Variants in PCDHA8 observed in about 807,000 individuals in gnomAD.
PCDHA8 encodes protocadherin alpha-8.
In PCDHA8, 53 loss-of-function variants were observed where a neutral mutation model predicts 61.8. That is an observed-to-expected ratio of 0.86 (90% confidence interval 0.69 to 1.08). The LOEUF (loss-of-function observed/expected upper bound fraction) is 1.08, where lower values mean the gene tolerates loss of function less well. Among genes scored for constraint, PCDHA8 ranks in the 50% least tolerant of loss-of-function variants. The probability of loss-of-function intolerance (pLI) is 0.00; values close to 1 mark genes in which losing one functional copy is unlikely to be tolerated. For missense variants in PCDHA8, 1,293 were observed against 1,245.0 expected (o/e 1.04, Z -0.58); for synonymous variants, 618 against 556.6 (o/e 1.11, Z -1.55).
intron 1 of PCDHA8, among the ~76,000 whole-genome samples, chr5:140,931,212 T>A (rs556351535): frequency 3.5e-4 from 54 of 152,168 alleles, no homozygotes; most frequent in Non-Finnish European, 3.5e-4. Context: ...GTATTTCAGG[T>A]ATCAGAGCAC....
chr5:140,881,369 T>C (rs2058687376), intron 1 of PCDHA8: 2 of 985,186 alleles, frequency 2.0e-6, no homozygotes, highest in Non-Finnish European at 2.4e-6. Flanking sequence ...TTCGTATGAA[T>C]TGCAGCCGGC....
Position 140,871,315 on chromosome 5 carries a change from CT to C in PCDHA8, c.2394+27601del, listed in dbSNP as rs1352668242. On this transcript the variant is annotated intron_variant, in intron 1 of 3. Transcript: ENST00000531613. ...CGCGTGCGCGCCGGGGAAGCCCACGCTGGTGTGCTCCCGCGCGGTGGGGAGC... is the reference window on the plus strand; with the variant it reads ...CGCGTGCGCGCCGGGGAAGCCCACGCGGTGTGCTCCCGCGCGGTGGGGAGC... The C allele has an allele frequency of 8.1e-6, 13 of 1,613,928 alleles. No homozygotes were observed. In the Admixed American group the frequency reaches 2.0e-4, roughly 25 times the overall value.
intron 3 of PCDHA8, among the ~76,000 whole-genome samples, chr5:140,998,707 A>G (rs1230153468): frequency 6.6e-6 from 1 of 151,942 alleles, no homozygotes; most frequent in African/African-American, 2.4e-5. Flanking sequence ...TGGGATTACA[A>G]GCTTGCACCA....
Position 140,853,023 on chromosome 5 carries a change from C to T in PCDHA8, c.2394+9308C>T, listed in dbSNP as rs1239749008. On this transcript the variant is annotated intron_variant, in intron 1 of 3. Transcript: ENST00000531613. ...CCTCCCGAGTAGCTGGGACTACAGG[C>T]GCCTGCCACCATGCCCGCCTAATTT... 6 of 257,856 alleles carry T rather than the reference C, an allele frequency of 2.3e-5. 1 individual carries two copies. The highest frequency in any genetic ancestry group is 1.2e-4 in the African/African-American group (5 of 42,466). 16.0% of individuals were successfully genotyped at this position (257,856 alleles called of 1,614,324 possible). A position where few individuals can be genotyped will look rare whatever the true frequency, so the allele number is the denominator to read the frequency against.
intron 1 of PCDHA8, chr5:140,850,256 C>G (rs781879208): frequency 1.9e-6 from 3 of 1,594,146 alleles, no homozygotes; most frequent in Non-Finnish European, 1.7e-6. Context: ...CGGTGGGCGC[C>G]GGCGTAGTGG....
intron 1 of PCDHA8, among the ~76,000 whole-genome samples, chr5:140,888,361 C>G (rs1445087911): frequency 2.0e-5 from 3 of 152,156 alleles, no homozygotes; most frequent in Non-Finnish European, 4.4e-5. Flanking sequence ...CTACTGGCAT[C>G]TAATAATGGA....
chr5:140,864,013 A>G (rs574478230), intron 1 of PCDHA8: 3 of 153,164 alleles, frequency 2.0e-5, no homozygotes, highest in African/African-American at 4.8e-5. Flanking sequence ...AAAAAAAAGT[A>G]CATTGGAAGT....
At chr5:140,890,753 C>G (rs1274674281) in intron 1 of PCDHA8, among the ~76,000 whole-genome samples, 1 of 152,114 alleles carries the variant, frequency 6.6e-6, no homozygotes, top group African/African-American at 2.4e-5. Context: ...TTCTGTCATG[C>G]TTTAAAAATA....
chr5:140,979,048 C>T, intron 2 of PCDHA8, 41 bp downstream of exon 2: 2 of 1,611,774 alleles, frequency 1.2e-6, no homozygotes, highest in East Asian at 2.2e-5. Context: ...GTAACCTTAA[C>T]TTGGTATGGC....
chr5:140,927,317 G>T (rs782172424), intron 1 of PCDHA8: 3 of 1,614,146 alleles, frequency 1.9e-6, no homozygotes, highest in Admixed American at 1.7e-5. Flanking sequence ...CCCGGAGCCC[G>T]CTTTACTCTC....
intron 3 of PCDHA8, among the ~76,000 whole-genome samples, chr5:140,984,397 G>A (rs1400095442): frequency 1.3e-5 from 2 of 152,112 alleles, no homozygotes; most frequent in African/African-American, 4.8e-5. Context: ...AAAATGTTGA[G>A]AACCTATCTT....
chr5:140,928,513 A>G lies in PCDHA8; in HGVS notation c.2395-50436A>G, dbSNP rs781867292. On this transcript the variant is annotated intron_variant, in intron 1 of 3. Transcript: ENST00000531613. ...TCCTCCCAGAAGTGCAACAGTGACTATAAACTTGTTTGTGGTAGATAGGAA... is the reference window on the plus strand; with the variant it reads ...TCCTCCCAGAAGTGCAACAGTGACTGTAAACTTGTTTGTGGTAGATAGGAA... 1.4e-5 allele frequency: 23 copies of G among 1,614,064 alleles called. No individual in the cohort carries two copies. In the African/African-American group the frequency reaches 2.8e-4, roughly 20 times the overall value.
chr5:140,963,811 G>A (rs2153736544), intron 1 of PCDHA8, among the ~76,000 whole-genome samples: 1 of 152,288 alleles, frequency 6.6e-6, no homozygotes, highest in Middle Eastern at 3.4e-3. Context: ...TAGTCACTGT[G>A]CAAATTGCTT....
chr5:140,991,635 T>C (rs1215420696), intron 3 of PCDHA8, among the ~76,000 whole-genome samples: 1 of 152,220 alleles, frequency 6.6e-6, no homozygotes, highest in East Asian at 1.9e-4. Flanking sequence ...GTAATAACAA[T>C]CTGTTCATGA....
At chr5:140,914,778 T>G (rs942539067) in intron 1 of PCDHA8, among the ~76,000 whole-genome samples, 1 of 152,138 alleles carries the variant, frequency 6.6e-6, no homozygotes, top group African/African-American at 2.4e-5. Flanking sequence ...ATGACTTATC[T>G]TATGACCCAT....
intron 1 of PCDHA8, among the ~76,000 whole-genome samples, chr5:140,890,695 A>T (rs1196447488): frequency 6.6e-6 from 1 of 152,200 alleles, no homozygotes; most frequent in Non-Finnish European, 1.5e-5. Context: ...AAATGCAGGG[A>T]CCTTACATTT....
At position 140,842,856 on chromosome 5, in the gene PCDHA8, C is replaced by G; in HGVS notation, c.1535C>G (p.Thr512Arg). 6.3e-7 allele frequency: 1 copy of G among 1,593,922 alleles called. No individual in the cohort carries two copies. The highest frequency in any genetic ancestry group is 8.6e-7 in the Non-Finnish European group (1 of 1,165,376). Residue 512 changes from threonine to arginine, a missense_variant, in exon 1 of 4, where the codon ACG becomes AGG. Transcript: ENST00000531613. ...RSLSSYISVH[T>R]ESGKVYALQP... Reference sequence around the variant, plus strand: ...CTGTCGAGCTACATTTCGGTGCACACGGAGAGCGGCAAGGTGTACGCGCTG... The same window carrying G: ...CTGTCGAGCTACATTTCGGTGCACAGGGAGAGCGGCAAGGTGTACGCGCTG...
intron 1 of PCDHA8, among the ~76,000 whole-genome samples, chr5:140,896,855 A>G (rs2065775013): frequency 6.6e-6 from 1 of 152,196 alleles, no homozygotes; most frequent in South Asian, 2.1e-4. Flanking sequence ...TTATGGGTAC[A>G]TAATAAGTGT....
At position 140,994,426 on chromosome 5, in the gene PCDHA8, G is replaced by A. The variant is rs994056098; in HGVS notation, c.2542+11863G>A. Among the ~76,000 whole-genome samples the A allele has an allele frequency of 3.9e-5, 6 of 152,110 alleles. No homozygotes were observed. In the East Asian group the frequency reaches 1.2e-3, roughly 29 times the overall value. ...CATTTAATACTGGATATTGAGGCCG[G>A]GCGCAGTGGCTCACACCTGTGATCC... On this transcript the variant is annotated intron_variant, in intron 3 of 3. Coordinates refer to ENST00000531613, the MANE Select transcript of PCDHA8 (RefSeq NM_018911.3).
Sources: allele counts gnomAD v4.1 joint callset (sites outside exome capture counted in the v4.1 genomes callset), GRCh38; gene constraint gnomAD v4.1.1; transcripts MANE v1.5; gene names NCBI Gene and HGNC (gene_info 2026-07-23, HGNC 2026-07-21).